Variants in ZNF385D observed in about 807,000 individuals in gnomAD.
The protein encoded by ZNF385D is zinc finger protein 659.
Under a neutral mutation model 35.8 loss-of-function variants are expected in ZNF385D, and 15 were observed. The ratio of observed to expected loss-of-function variants is 0.42; its 90% CI spans 0.28 to 0.64. The LOEUF (loss-of-function observed/expected upper bound fraction) is 0.64. Ranked by LOEUF, ZNF385D falls within the 30% of genes least tolerant of loss-of-function variation. ZNF385D has a pLI of 0.23. For missense variants in ZNF385D, 474 were observed against 494.6 expected (o/e 0.96, Z 0.39); for synonymous variants, 212 against 186.8 (o/e 1.13, Z -1.10).
chr3:22,321,526 C>T (rs4386522), intron 2 of ZNF385D, among the ~76,000 whole-genome samples: 35,793 of 151,516 alleles, frequency 0.24, 4,365 homozygotes, highest in East Asian at 0.26. Context: ...CCACCACGCC[C>T]GGCTAATTTT....
At chr3:21,766,014 CAA>C (rs1361808375) in intron 3 of ZNF385D, among the ~76,000 whole-genome samples, 1 of 151,504 alleles carries the variant, frequency 6.6e-6, no homozygotes, top group Non-Finnish European at 1.5e-5. Context: ...TACATGTAAA[CAA>C]GAGAAAAGAA....
At chr3:21,851,611 G>A (rs1037414236) in intron 3 of ZNF385D, among the ~76,000 whole-genome samples, 1 of 151,864 alleles carries the variant, frequency 6.6e-6, no homozygotes, top group African/African-American at 2.4e-5. Flanking sequence ...AATATCTTGT[G>A]GTCATGACTC....
chr3:21,515,701 T>C (rs970389269), intron 3 of ZNF385D, among the ~76,000 whole-genome samples: 7 of 152,192 alleles, frequency 4.6e-5, no homozygotes, highest in African/African-American at 1.7e-4. Context: ...ATTTAATATA[T>C]AGTTTAACAT....
intron 3 of ZNF385D, among the ~76,000 whole-genome samples, chr3:22,097,295 T>G (rs1701685034): frequency 6.6e-6 from 1 of 152,090 alleles, no homozygotes; most frequent in African/African-American, 2.4e-5. Flanking sequence ...GGAGGTTTGA[T>G]GCTTCCATAA....
intron 2 of ZNF385D, among the ~76,000 whole-genome samples, chr3:22,338,664 GTAAAGT>G (rs1237446274): frequency 1.3e-5 from 2 of 149,214 alleles, no homozygotes; most frequent in Non-Finnish European, 3.0e-5. Flanking sequence ...AAATAAAAAA[GTAAAGT>G]TAATGTGCAG....
intron 2 of ZNF385D, among the ~76,000 whole-genome samples, chr3:22,229,743 A>T (rs964667126): frequency 1.3e-5 from 2 of 151,850 alleles, no homozygotes; most frequent in African/African-American, 4.8e-5. Context: ...TCACTCAAAC[A>T]TTTTTTTTAG....
intron 3 of ZNF385D, among the ~76,000 whole-genome samples, chr3:21,968,044 C>T (rs1703008089): frequency 6.6e-6 from 1 of 152,130 alleles, no homozygotes; most frequent in Non-Finnish European, 1.5e-5. Flanking sequence ...TTACACCACC[C>T]CTCCCTTACA....
At chr3:21,707,230 T>C (rs1292239612) in intron 1 of ZNF385D, among the ~76,000 whole-genome samples, 1 of 152,186 alleles carries the variant, frequency 6.6e-6, no homozygotes, top group Admixed American at 6.5e-5. Flanking sequence ...GACTTACAAA[T>C]CACATCATCT....
At chr3:22,122,781 G>A (rs1029468098) in intron 3 of ZNF385D, among the ~76,000 whole-genome samples, 1 of 152,180 alleles carries the variant, frequency 6.6e-6, no homozygotes, top group Non-Finnish European at 1.5e-5. Flanking sequence ...GAAGAAATGA[G>A]TCATGCATGC....
At chr3:21,599,773 A>C (rs1461001283) in intron 2 of ZNF385D, among the ~76,000 whole-genome samples, 1 of 152,114 alleles carries the variant, frequency 6.6e-6, no homozygotes, top group Non-Finnish European at 1.5e-5. Context: ...CTCCCTCCCT[A>C]CCTATGGAGA....
intron 2 of ZNF385D, among the ~76,000 whole-genome samples, chr3:22,264,403 A>G (rs914668199): frequency 6.6e-6 from 1 of 152,042 alleles, no homozygotes; most frequent in African/African-American, 2.4e-5. Context: ...AAGACAATTG[A>G]TCAGTGGCAG....
At chr3:21,741,205 T>A (rs1189727091) in intron 1 of ZNF385D, among the ~76,000 whole-genome samples, 9 of 152,154 alleles carry the variant, frequency 5.9e-5, no homozygotes, top group African/African-American at 2.2e-4. Flanking sequence ...GCCTTAAGCT[T>A]CTCACTACAG....
At chr3:21,549,148 A>G (rs1247832603) in intron 3 of ZNF385D, among the ~76,000 whole-genome samples, 2 of 152,220 alleles carry the variant, frequency 1.3e-5, no homozygotes, top group Admixed American at 1.3e-4. Flanking sequence ...GAATATTATT[A>G]CTTTGTAAAG....
chr3:21,682,870 T>C lies in ZNF385D; in HGVS notation c.23-17842A>G, dbSNP rs141682154. On this transcript the variant is annotated intron_variant, in intron 1 of 7. Coordinates refer to ENST00000281523, the MANE Select transcript of ZNF385D (RefSeq NM_024697.3). ...GTATGTAAACAAATGGGCATACCTA[T>C]GTACCAGTAAGATTTTACTTTCTAA... 1.9e-3 allele frequency among the ~76,000 whole-genome samples: 280 copies of C among 150,128 alleles called. 12 individuals carry two copies. The highest frequency in any genetic ancestry group is 6.8e-3 in the African/African-American group (276 of 40,830).
intron 3 of ZNF385D, among the ~76,000 whole-genome samples, chr3:21,788,335 G>T (rs1205675002): frequency 2.0e-5 from 3 of 152,084 alleles, no homozygotes; most frequent in African/African-American, 7.2e-5. Flanking sequence ...AAAATTAGCC[G>T]GGCTTGGTGG....
intron 2 of ZNF385D, among the ~76,000 whole-genome samples, chr3:21,585,384 T>C (rs1414486667): frequency 1.3e-5 from 2 of 152,206 alleles, no homozygotes; most frequent in African/African-American, 4.8e-5. Flanking sequence ...ATATGACAGC[T>C]AAAACTACAT....
chr3:21,909,185 AATATAATACGG>A (rs148975105), intron 3 of ZNF385D, among the ~76,000 whole-genome samples: 12,837 of 152,104 alleles, frequency 0.084, 674 homozygotes, highest in South Asian at 0.21. Flanking sequence ...AGTTCGTCCA[AATATAATACGG>A]ATATAATACG....
intron 1 of ZNF385D, among the ~76,000 whole-genome samples, chr3:21,740,307 G>C (rs558195489): frequency 6.6e-6 from 1 of 152,154 alleles, no homozygotes; most frequent in Non-Finnish European, 1.5e-5. Flanking sequence ...CCAGTGGGTG[G>C]ACCAGGAACA....
In ZNF385D at chr3:22,125,460, C is replaced by G. The variant is rs1036265140; in HGVS notation, c.325+43357G>C. Among the ~76,000 whole-genome samples, 10 of 152,096 alleles carry G rather than the reference C, an allele frequency of 6.6e-5. No homozygotes were observed. The East Asian group carries it at 1.9e-3, about 29-fold the overall frequency. On this transcript the variant is annotated intron_variant, in intron 3 of 5. Transcript: ENST00000494108. Reference sequence around the variant, plus strand: ...TCTATCTTTGTGAAGATTGTCAATGCTATTCTGACAAGGATTGCATTGAAC... The same window carrying G: ...TCTATCTTTGTGAAGATTGTCAATGGTATTCTGACAAGGATTGCATTGAAC...
Sources: gnomAD v4.1 joint callset for allele counts (sites outside exome capture counted in the v4.1 genomes callset) on GRCh38, gnomAD v4.1.1 for gene constraint, MANE v1.5 for transcripts, NCBI Gene and HGNC (gene_info 2026-07-23, HGNC 2026-07-21) for gene names.